BAZ2B: variants seen among roughly 807,000 people sequenced by gnomAD.
BAZ2B encodes the protein bromodomain adjacent to zinc finger domain 2B.
BAZ2B carries 91 observed loss-of-function variants against 246.0 expected under a neutral mutation model. The ratio of observed to expected loss-of-function variants is 0.37; its 90% CI spans 0.31 to 0.44. The LOEUF is 0.44. Among genes scored for constraint, BAZ2B ranks in the 20% least tolerant of loss-of-function variants. BAZ2B has a pLI of 1.00. For synonymous variants in BAZ2B, 855 were observed against 860.0 expected (o/e 0.99, Z 0.10); for missense variants, 2,332 against 2,533.7 (o/e 0.92, Z 1.71).
Position 159,320,311 on chromosome 2 carries a change from C to T in BAZ2B, c.6461G>A (p.Arg2154Lys). ...SDIGRAGHNMRKYFEKKWTDT... is the reference protein window; with the variant it reads ...SDIGRAGHNMKKYFEKKWTDT... ...TGTCCACTTTTTTTCAAAATACTTC[C>T]TCATATTGTGGCCAGCTCTGCCTAT... Residue 2154 changes from arginine (R) to lysine (K), a missense_variant, in exon 37 of 37, where the codon AGG (arginine) becomes AAG (lysine). By Grantham distance (26) the Arg-to-Lys change is conservative. Transcript: ENST00000392783. 6.4e-7 allele frequency: 1 copy of T among 1,571,306 alleles called. No individual in the cohort carries two copies. Among genetic ancestry groups the T allele is most frequent in the Non-Finnish European group, 8.6e-7 (1 of 1,169,260 alleles).
At chr2:159,470,278 T>C (rs1256016701) in intron 3 of BAZ2B, among the ~76,000 whole-genome samples, 3 of 152,168 alleles carry the variant, frequency 2.0e-5, no homozygotes, top group East Asian at 1.9e-4. Flanking sequence ...AAAGAACGAA[T>C]AGAAGGGAAC....
chr2:159,371,623 G>A (rs12477183), intron 27 of BAZ2B, among the ~76,000 whole-genome samples: 100,361 of 151,978 alleles, frequency 0.66, 35,374 homozygotes, highest in Non-Finnish European at 0.81. Context: ...TTACTGTAAC[G>A]GTTCCACAGT....
chr2:159,596,385 A>C (rs1024604226), intron 1 of BAZ2B, among the ~76,000 whole-genome samples: 2 of 152,228 alleles, frequency 1.3e-5, no homozygotes, highest in African/African-American at 4.8e-5. Context: ...TCCTGTTAGA[A>C]GCACGGCCCT....
Position 159,320,222 on chromosome 2 carries a change from T to G in BAZ2B, c.*43A>C. 6.8e-7 allele frequency: 1 copy of G among 1,463,130 alleles called. No homozygotes were observed. Among genetic ancestry groups the G allele is most frequent in the Non-Finnish European group, 9.0e-7 (1 of 1,108,874 alleles). 90.6% of individuals were successfully genotyped at this position (1,463,130 alleles called of 1,614,324 possible). On this transcript the variant is annotated 3_prime_UTR_variant, in exon 37 of 37. Transcript: ENST00000392783. ...TACAGTTCACATTGCTGGTCTCATT[T>G]GTCCTTGTTTAGAAGGAAAAAAATA...
intron 3 of BAZ2B, among the ~76,000 whole-genome samples, chr2:159,475,054 G>A (rs889321677): frequency 1.3e-5 from 2 of 152,114 alleles, no homozygotes; most frequent in Non-Finnish European, 2.9e-5. Context: ...TTTTCTTGAA[G>A]AGTATCTTTG....
chr2:159,638,941 G>C, the BAZ2B span, among the ~76,000 whole-genome samples: 1 of 152,074 alleles, frequency 6.6e-6, no homozygotes, highest in Non-Finnish European at 1.5e-5. Context: ...ATTATCTCAA[G>C]AAATTTAGTA....
At chr2:159,669,820 T>C in the BAZ2B span, among the ~76,000 whole-genome samples, 1 of 152,220 alleles carries the variant, frequency 6.6e-6, no homozygotes, top group African/African-American at 2.4e-5. Context: ...TTCTTTCTTT[T>C]GTATCTGCTC....
At chr2:159,487,328 A>T (rs1488942399) in intron 2 of BAZ2B, among the ~76,000 whole-genome samples, 1 of 152,140 alleles carries the variant, frequency 6.6e-6, no homozygotes, top group African/African-American at 2.4e-5. Context: ...TGTTTTGTAC[A>T]TTGTGATTCT....
At chr2:159,443,488 A>C (rs1470691442) in intron 6 of BAZ2B, among the ~76,000 whole-genome samples, 1 of 152,156 alleles carries the variant, frequency 6.6e-6, no homozygotes, top group African/African-American at 2.4e-5. Flanking sequence ...GAATGAAGCA[A>C]CTTTTTAAAA....
At chr2:159,513,858 A>T (rs2083173885) in intron 2 of BAZ2B, among the ~76,000 whole-genome samples, 1 of 152,140 alleles carries the variant, frequency 6.6e-6, no homozygotes, top group South Asian at 2.1e-4. Context: ...CTGAGGCCCT[A>T]CATGAATAAC....
At chr2:159,492,858 T>A (rs1045335785) in intron 2 of BAZ2B, among the ~76,000 whole-genome samples, 3 of 152,224 alleles carry the variant, frequency 2.0e-5, no homozygotes, top group African/African-American at 7.2e-5. Flanking sequence ...AGTATTTTTG[T>A]TGTTATCTGT....
Position 159,471,082 on chromosome 2 carries a change from G to A in BAZ2B, c.145+7493C>T, listed in dbSNP as rs964167543. Among the ~76,000 whole-genome samples the A allele has an allele frequency of 1.8e-4, 27 of 152,088 alleles. 1 individual carries two copies. The highest frequency in any genetic ancestry group is 2.9e-4 in the Non-Finnish European group (20 of 68,018). On this transcript the variant is annotated intron_variant, in intron 3 of 36. Transcript: ENST00000392783. Reference sequence around the variant, plus strand: ...AAAATTTAGAGAAAAACTATGAGTAGTATAATGGAAGCTAAAAGGAAAGAT... The same window carrying A: ...AAAATTTAGAGAAAAACTATGAGTAATATAATGGAAGCTAAAAGGAAAGAT...
the BAZ2B span, among the ~76,000 whole-genome samples, chr2:159,690,561 CTAGT>C: frequency 6.6e-6 from 1 of 152,076 alleles, no homozygotes. Context: ...TTATAGGCTA[CTAGT>C]TACTGATTTA....
chr2:159,405,745 AC>A (rs2065835866), intron 14 of BAZ2B, among the ~76,000 whole-genome samples: 2 of 152,038 alleles, frequency 1.3e-5, no homozygotes, highest in Non-Finnish European at 2.9e-5. Context: ...TTTCAAGTAA[AC>A]CCCACTTAGT....
chr2:159,545,476 A>G (rs1415366529), intron 2 of BAZ2B, among the ~76,000 whole-genome samples: 2 of 152,210 alleles, frequency 1.3e-5, no homozygotes, highest in Non-Finnish European at 2.9e-5. Flanking sequence ...AGAGGAATCT[A>G]TTAACACCTA....
upstream of BAZ2B, among the ~76,000 whole-genome samples, chr2:159,620,936 A>G (rs531143760): frequency 5.9e-5 from 9 of 152,332 alleles, no homozygotes; most frequent in African/African-American, 2.2e-4. Context: ...CTGTAGTATT[A>G]AGAGATTGCT....
the BAZ2B span, among the ~76,000 whole-genome samples, chr2:159,643,730 G>A: frequency 1.3e-5 from 2 of 151,984 alleles, no homozygotes; most frequent in Admixed American, 1.3e-4. Context: ...CAAAAAATTA[G>A]CCAGGTGTGG....
At chr2:159,709,172 G>T in the BAZ2B span, among the ~76,000 whole-genome samples, 3 of 151,508 alleles carry the variant, frequency 2.0e-5, no homozygotes, top group Admixed American at 2.0e-4. Flanking sequence ...AGGGATCCTT[G>T]GCCAGGCGCG....
the BAZ2B span, among the ~76,000 whole-genome samples, chr2:159,634,927 A>G: frequency 1.3e-5 from 2 of 152,198 alleles, no homozygotes; most frequent in Non-Finnish European, 2.9e-5. Context: ...AAGAGAGGCG[A>G]ATTATCTTTG....
Sources: allele counts gnomAD v4.1 joint callset (sites outside exome capture counted in the v4.1 genomes callset), GRCh38; gene constraint gnomAD v4.1.1; transcripts MANE v1.5; gene names NCBI Gene and HGNC (gene_info 2026-07-23, HGNC 2026-07-21).